Variants in PHACTR2 observed in about 807,000 individuals in gnomAD.
PHACTR2 encodes phosphatase and actin regulator 2, also known as chromosome 6 open reading frame 56.
PHACTR2 carries 30 observed loss-of-function variants against 76.0 expected under a neutral mutation model. That is an observed-to-expected ratio of 0.39 (90% CI 0.30 to 0.54). The LOEUF (loss-of-function observed/expected upper bound fraction) is 0.54. PHACTR2 is among the 20% of genes least tolerant of loss of function. The pLI is 0.61. For synonymous variants in PHACTR2, 292 were observed against 292.5 expected (o/e 1.00, Z 0.02); for missense variants, 696 against 781.1 (o/e 0.89, Z 1.30).
Position 143,671,228 on chromosome 6 carries a change from G to A in PHACTR2, c.14-40788G>A, listed in dbSNP as rs1554219129. Among the ~76,000 whole-genome samples the A allele has an allele frequency of 6.6e-6, 1 of 152,072 alleles. No homozygotes were observed. The highest frequency in any genetic ancestry group is 1.5e-5 in the Non-Finnish European group (1 of 68,016). On this transcript the variant is annotated intron_variant, in intron 1 of 11. Transcript: ENST00000305766. This position sits in a 1 kb window ranked among gnomAD's most constrained non-coding sequence, Gnocchi z 4.6. ...TTACAGGTCTGAACCACTGCACCTG[G>A]CCCAAAGTCTTTATAGTTAACTGCA...
At position 143,761,475 on chromosome 6, in the gene PHACTR2, C is replaced by G. The variant is rs1403702412; in HGVS notation, c.694+835C>G. Among the ~76,000 whole-genome samples, 1 of 152,112 alleles carries G rather than the reference C, an allele frequency of 6.6e-6. No homozygotes were observed. On this transcript the variant is annotated intron_variant, in intron 5 of 12. Coordinates refer to ENST00000440869, the MANE Select transcript of PHACTR2 (RefSeq NM_001100164.2). This position sits in a 1 kb window ranked among gnomAD's most constrained non-coding sequence, Gnocchi z 5.2. ...TCTTTTAAAAGGACATTAATCAGGCCAGGCCCAGTGGCTCACACCCGTAAT... is the reference window on the plus strand; with the variant it reads ...TCTTTTAAAAGGACATTAATCAGGCGAGGCCCAGTGGCTCACACCCGTAAT...
chr6:143,605,259 G>A (rs1048741160), upstream of PHACTR2, among the ~76,000 whole-genome samples: 12 of 152,146 alleles, frequency 7.9e-5, no homozygotes, highest in Admixed American at 7.2e-4. The surrounding 1 kb of genome is among the most constrained non-coding windows in gnomAD (Gnocchi z 5.0). Flanking sequence ...GGCAAGCTGA[G>A]TATATACTCA....
chr6:143,591,632 G>A lies in PHACTR2; in HGVS notation c.217+54425G>A, dbSNP rs1775693512. Among the ~76,000 whole-genome samples, 1 of 152,212 alleles carries A rather than the reference G, an allele frequency of 6.6e-6. No homozygotes were observed. The highest frequency in any genetic ancestry group is 2.1e-4 in the South Asian group (1 of 4,828). On this transcript the variant is annotated intron_variant, in intron 1 of 11. Coordinates refer to the PHACTR2 transcript ENST00000367584. The surrounding 1 kb of genome is among the most constrained non-coding windows in gnomAD (Gnocchi z 6.4). The stretch of plus-strand genomic sequence containing the variant: ...GACCTCCATGAACCTCTTGCCTAGG[G>A]CTGTGAAGGCCAAATGGAATTGAGG...
In PHACTR2 at chr6:143,659,910, G is replaced by A. The variant is rs1193499248; in HGVS notation, c.13+51588G>A. ...ATCAATTTTTAAACAAAAGACAAAG[G>A]CCAGTAACATTAAAAGAGAAGTTGA... On this transcript the variant is annotated intron_variant, in intron 1 of 11. Coordinates refer to the PHACTR2 transcript ENST00000305766. This position sits in a 1 kb window ranked among gnomAD's most constrained non-coding sequence, Gnocchi z 5.0. 2.0e-5 allele frequency among the ~76,000 whole-genome samples: 3 copies of A among 152,036 alleles called. No individual in the cohort carries two copies. The highest frequency in any genetic ancestry group is 7.2e-5 in the African/African-American group (3 of 41,394).
intron 2 of PHACTR2, among the ~76,000 whole-genome samples, chr6:143,719,677 C>T (rs1472798647): frequency 2.0e-5 from 3 of 151,238 alleles, no homozygotes; most frequent in African/African-American, 7.3e-5. Context: ...ATCATTCACC[C>T]TCACATCATA....
Position 143,771,190 on chromosome 6 carries a change from GTGTGTATATATATATATATA to G in PHACTR2, c.1233-1066_1233-1047del, listed in dbSNP as rs1562300813. On this transcript the variant is annotated intron_variant, in intron 6 of 12. Transcript: ENST00000440869. Reference sequence around the variant, plus strand: ...TATATATATGTATATATATATATATGTGTGTATATATATATATATATATATATATATATATATATATATAT... The same window carrying G: ...TATATATATGTATATATATATATATGTATATATATATATATATATATATAT... 1.2e-3 allele frequency among the ~76,000 whole-genome samples: 26 copies of G among 22,454 alleles called. 1 individual carries two copies. Among genetic ancestry groups the G allele is most frequent in the South Asian group, 9.8e-3 (4 of 410 alleles). The allele number at this position is 22,454 out of a possible 152,430, so 14.7% of individuals were successfully genotyped here.
chr6:143,699,383 A>G (rs1199567567), intron 1 of PHACTR2, among the ~76,000 whole-genome samples: 1 of 152,190 alleles, frequency 6.6e-6, no homozygotes, highest in African/African-American at 2.4e-5. Context: ...AACAGCAAAC[A>G]AAACCTTTTT....
intron 1 of PHACTR2, among the ~76,000 whole-genome samples, chr6:143,563,565 A>AAAAAAAAG (rs1446096401): frequency 6.6e-6 from 1 of 151,212 alleles, no homozygotes; most frequent in Non-Finnish European, 1.5e-5. Context: ...AAAAAAAAAA[A>AAAAAAAAG]AAAAAAGAAG....
At chr6:143,572,969 A>C (rs1300330758) in intron 1 of PHACTR2, among the ~76,000 whole-genome samples, 8 of 152,272 alleles carry the variant, frequency 5.3e-5, no homozygotes, top group Non-Finnish European at 8.8e-5. Flanking sequence ...ATCAGATAAG[A>C]ATCCAAAATA....
rs147640709 is a variant in PHACTR2, at chr6:143,714,723, C to G, written c.214+2540C>G. On this transcript the variant is annotated intron_variant, in intron 2 of 12. Transcript: ENST00000440869. ...TTCCGTCCACTTCTCTCAGATACCC[C>G]CCTTCATTTCTTTTCTTCTCCTGCA... Among the ~76,000 whole-genome samples, 4 of 152,160 alleles carry G rather than the reference C, an allele frequency of 2.6e-5. 1 individual carries two copies. The East Asian group carries it at 5.8e-4, about 22-fold the overall frequency.
intron 1 of PHACTR2, among the ~76,000 whole-genome samples, chr6:143,636,312 A>G (rs9376771): frequency 0.093 from 14,189 of 152,114 alleles, 734 homozygotes; most frequent in African/African-American, 0.14. Context: ...TTATATATGA[A>G]ATGTATTTTT....
intron 1 of PHACTR2, among the ~76,000 whole-genome samples, chr6:143,638,124 G>A (rs1415824947): frequency 6.6e-6 from 1 of 152,194 alleles, no homozygotes; most frequent in Non-Finnish European, 1.5e-5. Flanking sequence ...AATTATTTCA[G>A]TAAATATAGA....
At chr6:143,718,324 A>G (rs1275046676) in intron 2 of PHACTR2, among the ~76,000 whole-genome samples, 2 of 152,204 alleles carry the variant, frequency 1.3e-5, no homozygotes, top group Non-Finnish European at 2.9e-5. Context: ...AAGGGCTACT[A>G]TTATCCCAGT....
chr6:143,701,403 G>A (rs1354495704), intron 1 of PHACTR2, among the ~76,000 whole-genome samples: 1 of 152,208 alleles, frequency 6.6e-6, no homozygotes, highest in Non-Finnish European at 1.5e-5. Flanking sequence ...TCAGTATAAA[G>A]TATAGAGTAC....
At chr6:143,622,738 TG>T (rs1776178770) in intron 1 of PHACTR2, among the ~76,000 whole-genome samples, 2 of 152,140 alleles carry the variant, frequency 1.3e-5, no homozygotes, top group Non-Finnish European at 2.9e-5. Flanking sequence ...GATTTTTTTG[TG>T]TGTGTGTTTG....
rs1400528348 is a variant in PHACTR2 at position 143,742,109 on chromosome 6, A to T, written c.215-6876A>T. 6.6e-6 allele frequency among the ~76,000 whole-genome samples: 1 copy of T among 152,090 alleles called. No homozygotes were observed. Among genetic ancestry groups the T allele is most frequent in the East Asian group, 1.9e-4 (1 of 5,198 alleles). On this transcript the variant is annotated intron_variant, in intron 2 of 12. Transcript: ENST00000440869. The surrounding 1 kb of genome is among the most constrained non-coding windows in gnomAD (Gnocchi z 4.5). ...GACAAGAGTGAAACTCCATCTCAAA[A>T]AAAAAAAACAACAACATTTATTTGA...
intron 1 of PHACTR2, among the ~76,000 whole-genome samples, chr6:143,612,071 C>T (rs1473793514): frequency 2.0e-5 from 3 of 152,178 alleles, no homozygotes; most frequent in South Asian, 2.1e-4. Flanking sequence ...GTGTTGCCCA[C>T]TAGCCATAGT....
At chr6:143,607,225 T>G (rs1379005603), upstream of PHACTR2, among the ~76,000 whole-genome samples, 7 of 152,240 alleles carry the variant, frequency 4.6e-5, no homozygotes, top group Admixed American at 2.0e-4. Context: ...ATACTGTGGA[T>G]TCATTTCATC....
intron 11 of PHACTR2, among the ~76,000 whole-genome samples, chr6:143,799,570 A>T (rs1775907553): frequency 6.6e-6 from 1 of 152,174 alleles, no homozygotes; most frequent in Admixed American, 6.5e-5. Context: ...TGTCCCAGAG[A>T]TTCTGGTACA....
Sources: gnomAD v4.1 joint callset for allele counts (sites outside exome capture counted in the v4.1 genomes callset) on GRCh38, gnomAD v4.1.1 for gene constraint, Gnocchi (gnomAD v3.1) non-coding constraint, MANE v1.5 for transcripts, NCBI Gene and HGNC (gene_info 2026-07-23, HGNC 2026-07-21) for gene names.